Variants in LYVE1 observed in about 807,000 individuals in gnomAD.
LYVE1 encodes lymphatic vessel endothelial hyaluronic acid receptor 1.
LYVE1 carries 29 observed loss-of-function variants against 31.5 expected under a neutral mutation model. The observed-to-expected ratio is 0.92, with a 90% confidence interval of 0.69 to 1.26. The LOEUF is 1.26. Ranked by LOEUF, LYVE1 falls within the 50% of genes most tolerant of loss-of-function variation. LYVE1 has a pLI of 0.00. For missense variants in LYVE1, 376 were observed against 380.2 expected, an observed-to-expected ratio of 0.99 and a Z score of 0.09; for synonymous variants, 134 against 139.4, an observed-to-expected ratio of 0.96 and a Z score of 0.27.
intron 1 of LYVE1, among the ~76,000 whole-genome samples, chr11:10,565,450 G>C (rs1399123457): frequency 6.6e-6 from 1 of 152,100 alleles, no homozygotes; most frequent in Admixed American, 6.5e-5. Flanking sequence ...TCCATAAAAG[G>C]GCATTTAAAT....
intron 1 of LYVE1, among the ~76,000 whole-genome samples, chr11:10,568,217 A>C (rs1041340578): frequency 2.4e-4 from 36 of 152,378 alleles, no homozygotes; most frequent in African/African-American, 8.4e-4. Context: ...AAATGTCCTC[A>C]TTAAAAATAT....
In LYVE1 at chr11:10,558,169, C is replaced by T. The variant is rs187338908; in HGVS notation, c.*942G>A. 2.0e-5 allele frequency: 3 copies of T among 152,256 alleles called. No individual in the cohort carries two copies. Among genetic ancestry groups the T allele is most frequent in the African/African-American group, 4.8e-5 (2 of 41,562 alleles). The allele number at this position is 152,256 out of a possible 1,614,324, so 9.4% of individuals were successfully genotyped here. A position where few individuals can be genotyped will look rare whatever the true frequency, so the allele number is the denominator to read the frequency against. ...TTCCCAGATAGCGTTCTACTATGTG[C>T]AATTTTTTGAGGAATAATATTCAAT... On this transcript the variant is annotated 3_prime_UTR_variant, in exon 6 of 6. Coordinates refer to ENST00000256178, the MANE Select transcript of LYVE1 (RefSeq NM_006691.4).
intron 3 of LYVE1, 108 bp from the exon 4 acceptor site, chr11:10,560,908 G>A (rs1404666949): frequency 2.2e-6 from 2 of 902,966 alleles, no homozygotes; most frequent in East Asian, 2.4e-5. Context: ...AGCTGGAATG[G>A]TCTTTAAAAA....
In LYVE1 at chr11:10,559,188, T is replaced by G. The variant is rs1850366934; in HGVS notation, c.892A>C (p.Lys298Gln). The G allele has an allele frequency of 6.2e-7, 1 of 1,614,066 alleles. No individual in the cohort carries two copies. The highest frequency in any genetic ancestry group is 1.3e-5 in the African/African-American group (1 of 74,938). ...TCTTCTGGGTTTTTATCAGTTTTCT[T>G]TGATTCCTCATTAGGGTTGCTATCA... ...ANDSNPNEES[K>Q]KTDKNPEESK... Residue 298 changes from lysine (K) to glutamine (Q), a missense_variant, in exon 6 of 6, where the codon AAG becomes CAG. By Grantham distance (53) the Lys-to-Gln change is moderately conservative. Transcript: ENST00000256178.
At position 10,557,099 on chromosome 11, in the gene LYVE1, G is replaced by A. The variant is rs1037045210; in HGVS notation, c.*2012C>T. ...AGTTTCAAACTCATAGACCTACTGG[G>A]GCAGGCAGGTGATATATATGAGGGA... On this transcript the variant is annotated 3_prime_UTR_variant, in exon 6 of 6. Transcript: ENST00000256178. 6.6e-6 allele frequency: 1 copy of A among 152,120 alleles called. No homozygotes were observed. The highest frequency in any genetic ancestry group is 1.5e-5 in the Non-Finnish European group (1 of 68,036). 9.4% of individuals were successfully genotyped at this position (152,120 alleles called of 1,614,324 possible). A position where few individuals can be genotyped will look rare whatever the true frequency, so the allele number is the denominator to read the frequency against.
intron 5 of LYVE1, 128 bp from the exon 6 acceptor site, chr11:10,559,425 C>A (rs1007068977): frequency 3.0e-6 from 2 of 666,194 alleles, no homozygotes; most frequent in African/African-American, 3.6e-5. Flanking sequence ...CCAGCACATG[C>A]ATGCTCTAAT....
At chr11:10,566,223 C>T (rs1850538771) in intron 1 of LYVE1, among the ~76,000 whole-genome samples, 1 of 152,086 alleles carries the variant, frequency 6.6e-6, no homozygotes, top group South Asian at 2.1e-4. Flanking sequence ...AACTCTTGTG[C>T]TTCAGCCTCC....
At chr11:10,560,112 C>T (rs1302205036) in intron 4 of LYVE1, among the ~76,000 whole-genome samples, 1 of 152,196 alleles carries the variant, frequency 6.6e-6, no homozygotes, top group Non-Finnish European at 1.5e-5. Context: ...TGCAATATGA[C>T]AGAGTTCATT....
rs144509823 is a variant in LYVE1 at position 10,568,263 on chromosome 11, C to T, written c.85+185G>A. Among the ~76,000 whole-genome samples, 12 of 152,342 alleles carry T rather than the reference C, an allele frequency of 7.9e-5. No individual in the cohort carries two copies. The East Asian group carries it at 1.5e-3, about 20-fold the overall frequency. On this transcript the variant is annotated intron_variant, in intron 1 of 5. Transcript: ENST00000256178. Reference sequence around the variant, plus strand: ...AAAGTAAAAGTCCAGATGATACAAACGTAAATGTCAATCATTTTGGTGAAG... The same window carrying T: ...AAAGTAAAAGTCCAGATGATACAAATGTAAATGTCAATCATTTTGGTGAAG...
chr11:10,565,227 T>C (rs1850511912), intron 1 of LYVE1, among the ~76,000 whole-genome samples: 1 of 152,178 alleles, frequency 6.6e-6, no homozygotes, highest in South Asian at 2.1e-4. Flanking sequence ...CGTTAAAGCA[T>C]TTTGGTTTTG....
rs1283196102 is a variant in LYVE1 at position 10,557,985 on chromosome 11, G to T, written c.*1126C>A. The T allele has an allele frequency of 6.6e-6, 1 of 152,080 alleles. No homozygotes were observed. The highest frequency in any genetic ancestry group is 1.5e-5 in the Non-Finnish European group (1 of 68,030). The allele number at this position is 152,080 out of a possible 1,614,324, so 9.4% of individuals were successfully genotyped here. A position where few individuals can be genotyped will look rare whatever the true frequency, so the allele number is the denominator to read the frequency against. On this transcript the variant is annotated 3_prime_UTR_variant, in exon 6 of 6. Coordinates refer to ENST00000256178, the MANE Select transcript of LYVE1 (RefSeq NM_006691.4). ...TAATGGCACTTTTAAAATGTGCTTTGGTATATAGAGGTAACAATGTACTTC... is the reference window on the plus strand; with the variant it reads ...TAATGGCACTTTTAAAATGTGCTTTTGTATATAGAGGTAACAATGTACTTC...
chr11:10,567,820 TA>T (rs1850571909), intron 1 of LYVE1, among the ~76,000 whole-genome samples: 1 of 152,336 alleles, frequency 6.6e-6, no homozygotes, highest in Admixed American at 6.5e-5. Flanking sequence ...ATTTACTGAA[TA>T]TTTTTTTAAA....
rs930123438 is a variant in LYVE1 at position 10,559,801 on chromosome 11, C to A, written c.782+15G>T. 6.2e-7 allele frequency: 1 copy of A among 1,611,500 alleles called. No homozygotes were observed. Among genetic ancestry groups the A allele is most frequent in the Non-Finnish European group, 8.5e-7 (1 of 1,177,840 alleles). ...GACAAAGATTACAAGACTAGCAGTG[C>A]ACCAACAACCCTACCTTTTGACATA... is the stretch of plus-strand genomic sequence containing the variant. On this transcript the variant is annotated intron_variant, in intron 5 of 5. Transcript: ENST00000256178.
At position 10,564,961 on chromosome 11, in the gene LYVE1, G is replaced by A. The variant is rs114119967; in HGVS notation, c.86-587C>T. 8.1e-3 allele frequency among the ~76,000 whole-genome samples: 1,233 copies of A among 152,286 alleles called. 16 individuals are homozygous for A. Among genetic ancestry groups the A allele is most frequent in the African/African-American group, 0.028 (1,180 of 41,548 alleles). ...ACTTTGAATGGCAGAAAAACTAAATGAAGAAAGCAGAATTTTAGAGTCAGA... is the reference window on the plus strand; with the variant it reads ...ACTTTGAATGGCAGAAAAACTAAATAAAGAAAGCAGAATTTTAGAGTCAGA... On this transcript the variant is annotated intron_variant, in intron 1 of 5. Transcript: ENST00000256178.
rs117316120 is a variant in LYVE1, at chr11:10,560,984, C to A, written c.398-184G>T. Among the ~76,000 whole-genome samples, 262 of 152,338 alleles carry A rather than the reference C, an allele frequency of 1.7e-3. 3 individuals carry two copies. Among genetic ancestry groups the A allele is most frequent in the Non-Finnish European group, 2.9e-3 (198 of 68,028 alleles). ...GTGGCTATCTTTGTTGTATGGCCTA[C>A]AAGGCCTTCTGTGATTTGGCCCCTG... On this transcript the variant is annotated intron_variant, in intron 3 of 5. Coordinates refer to ENST00000256178, the MANE Select transcript of LYVE1 (RefSeq NM_006691.4).
At chr11:10,563,810 G>T in intron 3 of LYVE1, 130 bp downstream of exon 3, 1 of 1,175,302 alleles carries the variant, frequency 8.5e-7, no homozygotes, top group Non-Finnish European at 1.2e-6. Flanking sequence ...CAGAGAGACA[G>T]TGTCGGGAGA....
rs1023052438 is a variant in LYVE1, at chr11:10,564,078, A to T, written c.259T>A (p.Tyr87Asn). ...ACGAATCCATCTCCAACCCAGCCATAGCTGTAAAAGAATACACACTAGTTG... is the reference window on the plus strand; with the variant it reads ...ACGAATCCATCTCCAACCCAGCCATTGCTGTAAAAGAATACACACTAGTTG... The part of the protein sequence containing the change: ...ALKASFETCS[Y>N]GWVGDGFVVI... The change falls in exon 3 of 6, where the codon TAT becomes AAT. Residue 87 changes from tyrosine (Y) to asparagine (N), a missense_variant and splice_region_variant. Coordinates refer to ENST00000256178, the MANE Select transcript of LYVE1 (RefSeq NM_006691.4). 1 of 1,614,228 alleles carries T rather than the reference A, an allele frequency of 6.2e-7. No individual in the cohort carries two copies. Among genetic ancestry groups the T allele is most frequent in the African/African-American group, 1.3e-5 (1 of 75,068 alleles).
Position 10,557,429 on chromosome 11 carries a change from C to G in LYVE1, c.*1682G>C, listed in dbSNP as rs1304905450. The G allele has an allele frequency of 6.6e-6, 1 of 152,180 alleles. No homozygotes were observed. Among genetic ancestry groups the G allele is most frequent in the African/African-American group, 2.4e-5 (1 of 41,440 alleles). 9.4% of individuals were successfully genotyped at this position (152,180 alleles called of 1,614,324 possible). A position where few individuals can be genotyped will look rare whatever the true frequency, so the allele number is the denominator to read the frequency against. Reference sequence around the variant, plus strand: ...TTTAAGATTATACTCCGTGGGCCAACCGGAAAAGATTATGCCAGCAGGTTG... The same window carrying G: ...TTTAAGATTATACTCCGTGGGCCAAGCGGAAAAGATTATGCCAGCAGGTTG... On this transcript the variant is annotated 3_prime_UTR_variant, in exon 6 of 6. Transcript: ENST00000256178.
intron 4 of LYVE1, among the ~76,000 whole-genome samples, chr11:10,560,233 A>C (rs1353935162): frequency 1.3e-5 from 2 of 152,254 alleles, no homozygotes; most frequent in Non-Finnish European, 2.9e-5. Flanking sequence ...GAACTTATGC[A>C]TAGGAACAGA....
Sources: allele counts gnomAD v4.1 joint callset (sites outside exome capture counted in the v4.1 genomes callset), GRCh38; gene constraint gnomAD v4.1.1; transcripts MANE v1.5; gene names NCBI Gene and HGNC (gene_info 2026-07-23, HGNC 2026-07-21).